Variants in KLF12 observed in about 807,000 individuals in gnomAD.
The protein encoded by KLF12 is KLF transcription factor 12.
In KLF12, 9 loss-of-function variants were observed where a neutral mutation model predicts 37.8. That is an observed-to-expected ratio of 0.24 (90% confidence interval 0.14 to 0.42). The LOEUF (loss-of-function observed/expected upper bound fraction) is 0.42. Among genes scored for constraint, KLF12 ranks in the 10% least tolerant of loss-of-function variants. The pLI is 1.00. For missense variants in KLF12, 411 were observed against 516.0 expected (o/e 0.80, Z 1.97); for synonymous variants, 208 against 202.1 (o/e 1.03, Z -0.25).
chr13:74,158,542 C>T, the KLF12 span, among the ~76,000 whole-genome samples: 1 of 152,036 alleles, frequency 6.6e-6, no homozygotes, highest in Non-Finnish European at 1.5e-5. Context: ...TGGCCGGCTT[C>T]TTGAGAAAGA....
At chr13:73,747,698 T>C (rs1480402919) in intron 6 of KLF12, among the ~76,000 whole-genome samples, 1 of 152,102 alleles carries the variant, frequency 6.6e-6, no homozygotes, top group African/African-American at 2.4e-5. Context: ...ATGATAACCA[T>C]GAAACAGGTA....
intron 1 of KLF12, among the ~76,000 whole-genome samples, chr13:74,098,302 A>G (rs567391052): frequency 6.6e-6 from 1 of 152,312 alleles, no homozygotes; most frequent in Non-Finnish European, 1.5e-5. Flanking sequence ...TTAACTATCA[A>G]TACTGCTTAC....
chr13:74,068,331 C>T (rs1874034849), intron 1 of KLF12, among the ~76,000 whole-genome samples: 1 of 152,120 alleles, frequency 6.6e-6, no homozygotes, highest in Admixed American at 6.5e-5. Context: ...AGGAAGCTAT[C>T]CTAATTGTAC....
intron 6 of KLF12, among the ~76,000 whole-genome samples, chr13:73,733,898 G>T (rs1877252461): frequency 6.6e-6 from 1 of 152,040 alleles, no homozygotes; most frequent in African/African-American, 2.4e-5. Context: ...TAAAACATAT[G>T]ATGTCCTTTC....
At chr13:74,277,261 A>G in the KLF12 span, among the ~76,000 whole-genome samples, 3 of 152,156 alleles carry the variant, frequency 2.0e-5, no homozygotes, top group African/African-American at 7.2e-5. Flanking sequence ...CTCTTCTGCT[A>G]CTATATCTTT....
intron 4 of KLF12, among the ~76,000 whole-genome samples, chr13:73,826,553 G>A (rs80285780): frequency 0.01 from 1,565 of 152,134 alleles, 18 homozygotes; most frequent in African/African-American, 0.027. Context: ...TAAACATTTC[G>A]TGGTATTTCT....
intron 3 of KLF12, among the ~76,000 whole-genome samples, chr13:73,863,428 T>C (rs1388497345): frequency 6.6e-6 from 1 of 152,056 alleles, no homozygotes; most frequent in African/African-American, 2.4e-5. Context: ...CTTCAGTTAT[T>C]TACTTACAAC....
At chr13:73,753,103 G>C (rs1878897694) in intron 6 of KLF12, among the ~76,000 whole-genome samples, 1 of 151,882 alleles carries the variant, frequency 6.6e-6, no homozygotes, top group Non-Finnish European at 1.5e-5. Flanking sequence ...GACTAAGCCT[G>C]AAACATAAGA....
At chr13:74,048,979 G>A (rs1391784960) in intron 1 of KLF12, among the ~76,000 whole-genome samples, 2 of 152,186 alleles carry the variant, frequency 1.3e-5, no homozygotes, top group African/African-American at 4.8e-5. Flanking sequence ...AAACCTCCCA[G>A]AATCTGGGAC....
the KLF12 span, among the ~76,000 whole-genome samples, chr13:74,267,418 C>G: frequency 6.6e-6 from 1 of 152,210 alleles, no homozygotes; most frequent in Admixed American, 6.5e-5. Flanking sequence ...AAAGAAAACC[C>G]TGTCGTTCAT....
At chr13:73,995,128 A>C in intron 1 of KLF12, 75 bp from the exon 2 acceptor site, 1 of 882,206 alleles carries the variant, frequency 1.1e-6, no homozygotes, top group Non-Finnish European at 1.8e-6. Flanking sequence ...TGGGGAAAAA[A>C]ATACATCTTA....
chr13:74,061,288 G>A (rs1042610689), intron 1 of KLF12, among the ~76,000 whole-genome samples: 1 of 152,274 alleles, frequency 6.6e-6, no homozygotes, highest in Non-Finnish European at 1.5e-5. Flanking sequence ...ATGTAACACT[G>A]AGGGAGGAAC....
chr13:73,811,163 T>A (rs895129871), intron 5 of KLF12, among the ~76,000 whole-genome samples: 1 of 151,702 alleles, frequency 6.6e-6, no homozygotes, highest in Non-Finnish European at 1.5e-5. Flanking sequence ...TTTTTGTATT[T>A]TTAGTAGAGA....
upstream of KLF12, among the ~76,000 whole-genome samples, chr13:74,135,711 C>T (rs1433555320): frequency 6.6e-6 from 1 of 152,060 alleles, no homozygotes; most frequent in Non-Finnish European, 1.5e-5. Flanking sequence ...CGCCCCCGGC[C>T]CGGCCCGCCC....
At chr13:73,919,916 A>C (rs956113332) in intron 3 of KLF12, among the ~76,000 whole-genome samples, 35 of 152,142 alleles carry the variant, frequency 2.3e-4, no homozygotes, top group Middle Eastern at 3.4e-3. Context: ...CTTTATTATA[A>C]ATTTTTCTCC....
At chr13:73,963,220 T>A (rs1014139293) in intron 2 of KLF12, among the ~76,000 whole-genome samples, 7 of 152,130 alleles carry the variant, frequency 4.6e-5, no homozygotes, top group African/African-American at 1.7e-4. Flanking sequence ...GTGTGTTCTA[T>A]TGGGATAGAA....
upstream of KLF12, among the ~76,000 whole-genome samples, chr13:74,135,063 G>A (rs1330828239): frequency 6.6e-6 from 1 of 151,508 alleles, no homozygotes; most frequent in African/African-American, 2.4e-5. Context: ...GCGCCGGTGG[G>A]GCGGGCGGAG....
At chr13:74,087,913 A>T (rs1449633531) in intron 1 of KLF12, among the ~76,000 whole-genome samples, 1 of 152,004 alleles carries the variant, frequency 6.6e-6, no homozygotes, top group Admixed American at 6.6e-5. Context: ...AAAAGAAGGA[A>T]CTGCCCATTT....
chr13:73,712,936 T>G (rs1349765347), intron 7 of KLF12, among the ~76,000 whole-genome samples: 2 of 152,240 alleles, frequency 1.3e-5, no homozygotes, highest in African/African-American at 4.8e-5. Context: ...AAAAATTGTG[T>G]GACTTCCTTT....
Sources: allele counts gnomAD v4.1 joint callset (sites outside exome capture counted in the v4.1 genomes callset), GRCh38; gene constraint gnomAD v4.1.1; transcripts MANE v1.5; gene names NCBI Gene and HGNC (gene_info 2026-07-23, HGNC 2026-07-21).